The following PARD3B variants were observed in gnomAD, a reference collection of about 807,000 sequenced individuals.
PARD3B encodes the protein par-3 family cell polarity regulator beta, also known as partitioning defective 3 homolog B.
A neutral mutation model predicts 130.2 loss-of-function variants in PARD3B; 103 were observed. The ratio of observed to expected loss-of-function variants is 0.79; its 90% CI spans 0.67 to 0.93. The LOEUF is 0.93. Ranked by LOEUF, PARD3B falls within the 40% of genes least tolerant of loss-of-function variation. PARD3B has a pLI of 0.00. For missense variants in PARD3B, 1,609 were observed against 1,499.2 expected (o/e 1.07, Z -1.21); for synonymous variants, 583 against 553.2 (o/e 1.05, Z -0.76).
intron 22 of PARD3B, among the ~76,000 whole-genome samples, chr2:205,587,524 T>A (rs1428913654): frequency 6.6e-6 from 1 of 152,182 alleles, no homozygotes; most frequent in African/African-American, 2.4e-5. Context: ...TCCTGACATG[T>A]AAGAAACGCA....
At chr2:204,891,808 G>T (rs1176878455) in intron 2 of PARD3B, among the ~76,000 whole-genome samples, 4 of 152,138 alleles carry the variant, frequency 2.6e-5, no homozygotes, top group Non-Finnish European at 4.4e-5. Flanking sequence ...GTAGTTAGGA[G>T]TATTTTCCCC....
intron 2 of PARD3B, among the ~76,000 whole-genome samples, chr2:204,917,337 G>A (rs1462260858): frequency 6.6e-6 from 1 of 152,210 alleles, no homozygotes; most frequent in Non-Finnish European, 1.5e-5. Flanking sequence ...GAAGCTAGGA[G>A]CCAGTGAAGA....
At chr2:205,223,989 A>G (rs550919642) in intron 15 of PARD3B, among the ~76,000 whole-genome samples, 33 of 151,702 alleles carry the variant, frequency 2.2e-4, no homozygotes, top group Non-Finnish European at 4.4e-4. Context: ...GCATGAACCC[A>G]GGAGGTGGAG....
At chr2:204,716,293 A>G (rs2038721168) in intron 2 of PARD3B, among the ~76,000 whole-genome samples, 1 of 152,128 alleles carries the variant, frequency 6.6e-6, no homozygotes, top group South Asian at 2.1e-4. Context: ...CAACATGAGC[A>G]TCACCCAGAA....
rs1454294573 is a variant in PARD3B at position 205,176,859 on chromosome 2, GGCAAAC to G, written c.1924+283_1924+288del. 1.3e-5 allele frequency among the ~76,000 whole-genome samples: 2 copies of G among 152,232 alleles called. No homozygotes were observed. The highest frequency in any genetic ancestry group is 2.9e-5 in the Non-Finnish European group (2 of 68,018). ...AAACGATCACTGGAGAATCAAAGAT[GGCAAAC>G]TGTTATTTTTAAGCTCTTCTAATAC... On this transcript the variant is annotated intron_variant, in intron 13 of 22. Transcript: ENST00000406610. This position sits in a 1 kb window ranked among gnomAD's most constrained non-coding sequence, Gnocchi z 5.3.
In PARD3B at chr2:205,268,533, G is replaced by A. The variant is rs2040600872; in HGVS notation, c.2185+22711G>A. Among the ~76,000 whole-genome samples the A allele has an allele frequency of 6.6e-6, 1 of 152,094 alleles. No individual in the cohort carries two copies. Among genetic ancestry groups the A allele is most frequent in the African/African-American group, 2.4e-5 (1 of 41,418 alleles). On this transcript the variant is annotated intron_variant, in intron 16 of 22. Transcript: ENST00000406610. The surrounding 1 kb of genome is among the most constrained non-coding windows in gnomAD (Gnocchi z 4.1). ...TGGAAAATAAGAGAAAGAAAATTGA[G>A]TTTCAAGGACGTAGAAAAATCTGAT...
intron 2 of PARD3B, among the ~76,000 whole-genome samples, chr2:204,687,221 A>T (rs974876582): frequency 2.0e-5 from 3 of 152,136 alleles, no homozygotes; most frequent in Non-Finnish European, 4.4e-5. Flanking sequence ...TTTCCATAAG[A>T]TCTCTTCAGA....
intron 19 of PARD3B, among the ~76,000 whole-genome samples, chr2:205,402,835 C>A (rs1005192534): frequency 1.3e-5 from 2 of 152,150 alleles, no homozygotes; most frequent in African/African-American, 2.4e-5. Context: ...TAGGGGTTTC[C>A]TAGAGACAAC....
chr2:204,628,842 T>C (rs2034578656), intron 1 of PARD3B, among the ~76,000 whole-genome samples: 2 of 152,278 alleles, frequency 1.3e-5, no homozygotes, highest in South Asian at 4.1e-4. Flanking sequence ...CTCAGACAAA[T>C]TTATGTGGAG....
chr2:204,856,393 T>A (rs1373895211), intron 2 of PARD3B, among the ~76,000 whole-genome samples: 1 of 152,206 alleles, frequency 6.6e-6, no homozygotes, highest in Non-Finnish European at 1.5e-5. Flanking sequence ...TAAAACAGTT[T>A]TCTTTCTGTT....
Position 205,589,130 on chromosome 2 carries a change from A to T in PARD3B, c.3261-26326A>T, listed in dbSNP as rs568445041. On this transcript the variant is annotated intron_variant, in intron 22 of 22. Coordinates refer to ENST00000406610, the MANE Select transcript of PARD3B (RefSeq NM_001302769.2). This position sits in a 1 kb window ranked among gnomAD's most constrained non-coding sequence, Gnocchi z 4.1. Reference sequence around the variant, plus strand: ...TGGCAAAACCCCATTTCTACAAAAAATACAGATATTAACTGAGCATATTGG... The same window carrying T: ...TGGCAAAACCCCATTTCTACAAAAATTACAGATATTAACTGAGCATATTGG... 5.3e-5 allele frequency among the ~76,000 whole-genome samples: 8 copies of T among 152,308 alleles called. No individual in the cohort carries two copies. Among genetic ancestry groups the T allele is most frequent in the East Asian group, 1.9e-4 (1 of 5,184 alleles).
At chr2:205,041,169 C>T (rs1698372751) in intron 3 of PARD3B, among the ~76,000 whole-genome samples, 1 of 152,090 alleles carries the variant, frequency 6.6e-6, no homozygotes, top group African/African-American at 2.4e-5. Context: ...TTGTATCTAC[C>T]TGCTCATTCT....
At chr2:205,368,389 T>G (rs761192838) in intron 18 of PARD3B, among the ~76,000 whole-genome samples, 1 of 152,116 alleles carries the variant, frequency 6.6e-6, no homozygotes, top group Non-Finnish European at 1.5e-5. Context: ...TCCCAGCACT[T>G]TGGGAGGCCG....
chr2:205,590,606 G>A lies in PARD3B; in HGVS notation c.3261-24850G>A, dbSNP rs1476992564. ...CCTGAACCACATGGACTGAGAGTGG[G>A]CATGGAATGATTCCCAAAAGAACAG... is the stretch of plus-strand genomic sequence containing the variant. On this transcript the variant is annotated intron_variant, in intron 22 of 22. Transcript: ENST00000406610. This position sits in a 1 kb window ranked among gnomAD's most constrained non-coding sequence, Gnocchi z 4.1. 1.3e-5 allele frequency among the ~76,000 whole-genome samples: 2 copies of A among 152,120 alleles called. No individual in the cohort carries two copies. Among genetic ancestry groups the A allele is most frequent in the Admixed American group, 6.5e-5 (1 of 15,276 alleles).
In PARD3B at chr2:204,832,122, AG is replaced by A. The variant is rs528398830; in HGVS notation, c.223-133028del. On this transcript the variant is annotated intron_variant, in intron 2 of 22. Coordinates refer to ENST00000406610, the MANE Select transcript of PARD3B (RefSeq NM_001302769.2). The stretch of plus-strand genomic sequence containing the variant: ...GCGCCTGTAGTCCCAGCTAGTGGGG[AG>A]GCTGAGGCAGGAGAATGGCATGAAC... Among the ~76,000 whole-genome samples the A allele has an allele frequency of 2.7e-3, 414 of 152,170 alleles. 1 individual carries two copies. The highest frequency in any genetic ancestry group is 9.8e-3 in the African/African-American group (407 of 41,528).
At chr2:205,555,362 T>C (rs901197298) in intron 22 of PARD3B, among the ~76,000 whole-genome samples, 1 of 152,226 alleles carries the variant, frequency 6.6e-6, no homozygotes, top group African/African-American at 2.4e-5. Context: ...TCCTCAGGAC[T>C]CTACTGTTAG....
chr2:205,497,873 A>G (rs1001498227), intron 20 of PARD3B, among the ~76,000 whole-genome samples: 3 of 152,066 alleles, frequency 2.0e-5, no homozygotes, highest in African/African-American at 7.2e-5. Context: ...ATTAGAGTAA[A>G]TTCAAAATAC....
chr2:205,364,942 C>T (rs1029094918), intron 18 of PARD3B, among the ~76,000 whole-genome samples: 4 of 152,168 alleles, frequency 2.6e-5, no homozygotes, highest in Non-Finnish European at 2.9e-5. Context: ...TGGCTCACGC[C>T]TGTAATCCCA....
At chr2:204,593,005 C>T (rs2033139780) in intron 1 of PARD3B, among the ~76,000 whole-genome samples, 1 of 152,158 alleles carries the variant, frequency 6.6e-6, no homozygotes. Flanking sequence ...GGATATGCCA[C>T]ATTTTGTTTA....
Sources: allele counts gnomAD v4.1 joint callset (sites outside exome capture counted in the v4.1 genomes callset), GRCh38; gene constraint gnomAD v4.1.1; non-coding constraint Gnocchi (gnomAD v3.1); transcripts MANE v1.5; gene names NCBI Gene and HGNC (gene_info 2026-07-23, HGNC 2026-07-21).